The following EPN2 variants were observed in gnomAD, a reference collection of about 807,000 sequenced individuals.
EPN2 encodes epsin-2.
A neutral mutation model predicts 61.7 loss-of-function variants in EPN2; 34 were observed. The observed-to-expected ratio is 0.55, with a 90% confidence interval of 0.42 to 0.73. EPN2 has a LOEUF of 0.73. EPN2 is among the 30% of genes least tolerant of loss of function. EPN2 has a pLI of 0.00. For synonymous variants in EPN2, 349 were observed against 353.6 expected, an observed-to-expected ratio of 0.99 and a Z score of 0.15; for missense variants, 714 against 839.2, an observed-to-expected ratio of 0.85 and a Z score of 1.84.
chr17:19,273,647 A>T (rs907868538), intron 1 of EPN2, among the ~76,000 whole-genome samples: 4 of 152,318 alleles, frequency 2.6e-5, no homozygotes, highest in African/African-American at 9.6e-5. Flanking sequence ...ACAAGTGTGT[A>T]GCACCCTGCC....
intron 1 of EPN2, among the ~76,000 whole-genome samples, chr17:19,265,677 C>A (rs2045190200): frequency 6.6e-6 from 1 of 152,196 alleles, no homozygotes. Context: ...CTCTCACCTG[C>A]TCCTCTGAGA....
Position 19,314,498 on chromosome 17 carries a change from G to A in EPN2, c.1147+1219G>A, listed in dbSNP as rs183682171. Among the ~76,000 whole-genome samples the A allele has an allele frequency of 1.2e-3, 187 of 152,328 alleles. 1 individual carries two copies. In the Middle Eastern group the frequency reaches 0.017, roughly 14 times the overall value. On this transcript the variant is annotated intron_variant, in intron 7 of 10. Coordinates refer to ENST00000314728, the MANE Select transcript of EPN2 (RefSeq NM_014964.5). The stretch of plus-strand genomic sequence containing the variant: ...CCAGCTGGTGTGAACTGGGAAGCAG[G>A]GGAGAAGGGCCCAGATCACTCAGGG...
chr17:19,264,816 C>G (rs1477032148), intron 1 of EPN2, among the ~76,000 whole-genome samples: 1 of 152,038 alleles, frequency 6.6e-6, no homozygotes, highest in East Asian at 1.9e-4. Flanking sequence ...CTGTGCCAGG[C>G]CCAGCATGCA....
intron 4 of EPN2, among the ~76,000 whole-genome samples, chr17:19,293,370 CAAAAAAAAAA>C (rs1050438709): frequency 2.0e-5 from 1 of 50,734 alleles, no homozygotes. Flanking sequence ...AACTCCATCT[CAAAAAAAAAA>C]AAAAAAAAAG....
At chr17:19,305,380 C>T (rs1260215417) in intron 4 of EPN2, among the ~76,000 whole-genome samples, 1 of 152,144 alleles carries the variant, frequency 6.6e-6, no homozygotes, top group Non-Finnish European at 1.5e-5. Flanking sequence ...CCTTCGGTCT[C>T]CCAAAGTGCT....
chr17:19,322,933 A>T (rs1358891853), intron 7 of EPN2, among the ~76,000 whole-genome samples: 1 of 152,076 alleles, frequency 6.6e-6, no homozygotes, highest in Non-Finnish European at 1.5e-5. Context: ...CTTTTAAGAG[A>T]AGCATTTGTA....
intron 1 of EPN2, among the ~76,000 whole-genome samples, chr17:19,270,722 T>C (rs1435592173): frequency 6.6e-6 from 1 of 152,216 alleles, no homozygotes; most frequent in Non-Finnish European, 1.5e-5. Flanking sequence ...ACATAATCCC[T>C]GTGGCCGGAG....
chr17:19,317,896 G>A (rs1301010675), intron 7 of EPN2, among the ~76,000 whole-genome samples: 3 of 152,136 alleles, frequency 2.0e-5, no homozygotes, highest in Non-Finnish European at 4.4e-5. Context: ...GTGACTTTGT[G>A]ACTTTGTCTC....
Position 19,283,630 on chromosome 17 carries a change from G to C in EPN2, c.511G>C (p.Gly171Arg), listed in dbSNP as rs1309804512. 1 of 1,613,894 alleles carries C rather than the reference G, an allele frequency of 6.2e-7. No homozygotes were observed. The highest frequency in any genetic ancestry group is 1.3e-5 in the African/African-American group (1 of 74,936). The change falls in exon 3 of 11, where the codon GGC becomes CGC. Residue 171 changes from glycine to arginine, a missense_variant. Physicochemically the swap from Gly to Arg is moderately radical, Grantham distance 125. This residue lies in a region of EPN2 where 304 missense variants were observed against 417.4 expected (regional missense o/e 0.73). Transcript: ENST00000314728. The surrounding 1 kb of genome is among the most constrained non-coding windows in gnomAD (Gnocchi z 7.0). ...MGSNQITFGR[G>R]SSQPNLSTSH... Reference sequence around the variant, plus strand: ...CAGCAACCAGATCACCTTTGGGCGAGGCTCCAGCCAGCCCAACCTCTCCAC... The same window carrying C: ...CAGCAACCAGATCACCTTTGGGCGACGCTCCAGCCAGCCCAACCTCTCCAC...
At chr17:19,287,341 A>AT (rs946664822) in intron 4 of EPN2, among the ~76,000 whole-genome samples, 2 of 151,910 alleles carry the variant, frequency 1.3e-5, no homozygotes, top group African/African-American at 2.4e-5. Context: ...AAAAATGAGT[A>AT]TTTTTTTCTT....
At chr17:19,288,506 G>A (rs1030630670) in intron 4 of EPN2, among the ~76,000 whole-genome samples, 1 of 152,194 alleles carries the variant, frequency 6.6e-6, no homozygotes, top group Admixed American at 6.5e-5. Flanking sequence ...AGGAGTGTGA[G>A]GGTGAGCCTT....
chr17:19,311,317 C>T (rs557559619), intron 5 of EPN2, among the ~76,000 whole-genome samples: 1 of 152,034 alleles, frequency 6.6e-6, no homozygotes, highest in African/African-American at 2.4e-5. Context: ...GACAGACGGA[C>T]GGTTTGAGCC....
chr17:19,331,766 C>T (rs76097888), intron 9 of EPN2, 87 bp from the exon 10 acceptor site: 32,229 of 1,166,268 alleles, frequency 0.028, 561 homozygotes, highest in Non-Finnish European at 0.036. Flanking sequence ...GCAGGCATGT[C>T]CCCAGGAGGC....
intron 1 of EPN2, among the ~76,000 whole-genome samples, chr17:19,278,970 G>A (rs1239848678): frequency 6.6e-6 from 1 of 152,184 alleles, no homozygotes; most frequent in African/African-American, 2.4e-5. Flanking sequence ...GATTTCGAAA[G>A]CTGCTCCTGT....
chr17:19,237,386 C>T lies in EPN2; in HGVS notation c.-439C>T, dbSNP rs2044824628. Reference sequence around the variant, plus strand: ...CGCGCACGCGTCCGGCGCGCCCCCTCCCGGCCGCCATGTTGGCTGGTGTGT... The same window carrying T: ...CGCGCACGCGTCCGGCGCGCCCCCTTCCGGCCGCCATGTTGGCTGGTGTGT... On this transcript the variant is annotated 5_prime_UTR_variant, in exon 1 of 11. Transcript: ENST00000314728. 1.3e-5 allele frequency: 2 copies of T among 152,152 alleles called. No individual in the cohort carries two copies. The highest frequency in any genetic ancestry group is 1.9e-4 in the East Asian group (1 of 5,140). The allele number at this position is 152,152 out of a possible 1,614,324, so 9.4% of individuals were successfully genotyped here.
chr17:19,331,064 C>T (rs185055020), intron 9 of EPN2, among the ~76,000 whole-genome samples: 218 of 152,238 alleles, frequency 1.4e-3, no homozygotes, highest in African/African-American at 4.9e-3. Context: ...AGTTGTCCTG[C>T]CCCTTGCCTC....
chr17:19,249,579 A>G (rs995021876), intron 1 of EPN2: 2 of 152,324 alleles, frequency 1.3e-5, no homozygotes, highest in Admixed American at 6.5e-5. Flanking sequence ...GCTGTGTGCT[A>G]GGCTCCGTGC....
chr17:19,280,077 A>G (rs1393771811), intron 1 of EPN2: 1 of 151,550 alleles, frequency 6.6e-6, no homozygotes, highest in Admixed American at 6.6e-5. Flanking sequence ...GAGCTCAGGC[A>G]GTCTACCTGC....
At chr17:19,321,681 C>G (rs1906644864) in intron 7 of EPN2, among the ~76,000 whole-genome samples, 1 of 150,696 alleles carries the variant, frequency 6.6e-6, no homozygotes, top group Admixed American at 6.6e-5. Context: ...GATGCATGGT[C>G]AGGGCTGCAG....
Sources: gnomAD v4.1 joint callset for allele counts (sites outside exome capture counted in the v4.1 genomes callset) on GRCh38, gnomAD v4.1.1 for gene constraint, gnomAD v4.1.1 regional missense constraint, Gnocchi (gnomAD v3.1) non-coding constraint, MANE v1.5 for transcripts, NCBI Gene and HGNC (gene_info 2026-07-23, HGNC 2026-07-21) for gene names.